Variants in RAB11FIP1 observed in about 807,000 individuals in gnomAD.
The protein encoded by RAB11FIP1 is RAB11 family interacting protein 1.
In RAB11FIP1, 49 loss-of-function variants were observed where a neutral mutation model predicts 83.1. The observed-to-expected ratio is 0.59, with a 90% CI of 0.47 to 0.75. The LOEUF is 0.75. Among genes scored for constraint, RAB11FIP1 ranks in the 30% least tolerant of loss-of-function variants. The pLI is 0.00. For missense variants in RAB11FIP1, 1,536 were observed against 1,598.7 expected, an observed-to-expected ratio of 0.96 and a Z score of 0.67; for synonymous variants, 670 against 656.0, an observed-to-expected ratio of 1.02 and a Z score of -0.33.
chr8:37,861,679 C>T lies in RAB11FIP1; in HGVS notation c.*1216G>A, dbSNP rs1178949443. The stretch of plus-strand genomic sequence containing the variant: ...TCTTGGCTCGCTGCAGCCTCCATCT[C>T]CCAAGTTCAAGCAATTCTCCTGCCC... On this transcript the variant is annotated 3_prime_UTR_variant, in exon 6 of 6. Coordinates refer to ENST00000330843, the MANE Select transcript of RAB11FIP1 (RefSeq NM_001002814.3). The T allele has an allele frequency of 2.5e-6, 1 of 403,012 alleles. No homozygotes were observed. The highest frequency in any genetic ancestry group is 4.8e-6 in the Non-Finnish European group (1 of 209,316). The allele number at this position is 403,012 out of a possible 1,614,324, so 25.0% of individuals were successfully genotyped here.
At chr8:37,871,105 C>T (rs1359631479) in intron 4 of RAB11FIP1, 173 bp downstream of exon 4, 21 of 720,684 alleles carry the variant, frequency 2.9e-5, no homozygotes, top group South Asian at 1.2e-4. Context: ...TTGCTATAAA[C>T]GCAGCAGTGT....
Position 37,860,693 on chromosome 8 carries a change from T to A in RAB11FIP1, c.*2202A>T, listed in dbSNP as rs1350504786. 1 of 152,660 alleles carries A rather than the reference T, an allele frequency of 6.6e-6. No homozygotes were observed. The highest frequency in any genetic ancestry group is 1.5e-5 in the Non-Finnish European group (1 of 68,052). The allele number at this position is 152,660 out of a possible 1,614,324, so 9.5% of individuals were successfully genotyped here. A position where few individuals can be genotyped will look rare whatever the true frequency, so the allele number is the denominator to read the frequency against. On this transcript the variant is annotated 3_prime_UTR_variant, in exon 6 of 6. Transcript: ENST00000330843. ...TCAAGTGAACATACAGTTTTCTTTA[T>A]AAGTATGTAAATAAATTTCATAGCA...
intron 1 of RAB11FIP1, 54 bp from the exon 2 acceptor site, chr8:37,877,605 G>A (rs1005700380): frequency 6.8e-6 from 8 of 1,175,074 alleles, no homozygotes; most frequent in African/African-American, 3.0e-5. Flanking sequence ...CTGCAACAAT[G>A]TTCACAATCC....
intron 1 of RAB11FIP1, among the ~76,000 whole-genome samples, chr8:37,896,108 G>C (rs968283846): frequency 3.3e-5 from 5 of 151,870 alleles, no homozygotes; most frequent in Admixed American, 1.3e-4. Flanking sequence ...TCAGGAGTTC[G>C]AGACCAGCCT....
At chr8:37,886,215 A>ATCACAAAG (rs1196116192) in intron 1 of RAB11FIP1, among the ~76,000 whole-genome samples, 2 of 152,232 alleles carry the variant, frequency 1.3e-5, no homozygotes, top group Non-Finnish European at 2.9e-5. Flanking sequence ...CTCACCCAAG[A>ATCACAAAG]TCACAAAGCA....
chr8:37,890,639 G>C (rs984068338), intron 1 of RAB11FIP1, among the ~76,000 whole-genome samples: 1 of 152,088 alleles, frequency 6.6e-6, no homozygotes, highest in African/African-American at 2.4e-5. Context: ...AAAGTAACCT[G>C]CTTCTTCAAG....
chr8:37,884,124 G>C (rs1806775867), intron 1 of RAB11FIP1, among the ~76,000 whole-genome samples: 1 of 151,186 alleles, frequency 6.6e-6, no homozygotes, highest in African/African-American at 2.4e-5. Context: ...GAGTACAGTG[G>C]CATGATCTCA....
chr8:37,879,943 T>C (rs1021082968), intron 1 of RAB11FIP1, among the ~76,000 whole-genome samples: 3 of 152,088 alleles, frequency 2.0e-5, no homozygotes, highest in African/African-American at 7.2e-5. Context: ...ATAAAAAAAA[T>C]GGTTAGTTGG....
In RAB11FIP1 at chr8:37,874,704, C is replaced by G. The variant is rs199964996; in HGVS notation, c.1433G>C (p.Gly478Ala). 1 of 1,614,086 alleles carries G rather than the reference C, an allele frequency of 6.2e-7. No individual in the cohort carries two copies. Among genetic ancestry groups the G allele is most frequent in the Non-Finnish European group, 8.5e-7 (1 of 1,180,008 alleles). ...MGVKPGEDAS[G>A]PAEDLVRRSE... Reference sequence around the variant, plus strand: ...TCTTCTCACAAGGTCTTCAGCAGGCCCCGATGCGTCCTCCCCCGGCTTAAC... The same window carrying G: ...TCTTCTCACAAGGTCTTCAGCAGGCGCCGATGCGTCCTCCCCCGGCTTAAC... Residue 478 changes from glycine (G) to alanine (A), a missense_variant, in exon 3 of 6, where the codon GGG becomes GCG. Gly to Ala is a moderately conservative substitution (Grantham distance 60). Coordinates refer to ENST00000330843, the MANE Select transcript of RAB11FIP1 (RefSeq NM_001002814.3).
In RAB11FIP1 at chr8:37,873,142, G is replaced by A; in HGVS notation, c.1660C>T (p.Leu554Phe). ...VSPEAQPTAR[L>F]PSPTDSPSSL... is the part of the protein sequence containing the mutation. Reference sequence around the variant, plus strand: ...GAAGGGGAGTCAGTAGGGGAAGGAAGCCTGGCTGTGGGTTGCGCCTCTGGA... The same window carrying A: ...GAAGGGGAGTCAGTAGGGGAAGGAAACCTGGCTGTGGGTTGCGCCTCTGGA... The change falls in exon 4 of 6, where the codon CTT (leucine) becomes TTT (phenylalanine). Residue 554 changes from leucine (L) to phenylalanine (F), a missense_variant. By Grantham distance (22) the Leu-to-Phe change is conservative. Coordinates refer to ENST00000330843, the MANE Select transcript of RAB11FIP1 (RefSeq NM_001002814.3). The A allele has an allele frequency of 1.2e-6, 2 of 1,607,992 alleles. No individual in the cohort carries two copies. Among genetic ancestry groups the A allele is most frequent in the Non-Finnish European group, 1.7e-6 (2 of 1,178,688 alleles).
intron 2 of RAB11FIP1, 84 bp from the exon 3 acceptor site, chr8:37,875,406 C>G: frequency 9.6e-7 from 1 of 1,036,606 alleles, no homozygotes; most frequent in Non-Finnish European, 1.4e-6. Flanking sequence ...CGTCTGGATA[C>G]ATTTCTGGTT....
In RAB11FIP1 at chr8:37,898,940, C is replaced by A. The variant is rs1020804932; in HGVS notation, c.371+131G>T. 2.8e-5 allele frequency: 27 copies of A among 974,160 alleles called. No homozygotes were observed. The African/African-American group carries it at 4.0e-4, about 14-fold the overall frequency. The allele number at this position is 974,160 out of a possible 1,614,324, so 60.3% of individuals were successfully genotyped here. On this transcript the variant is annotated intron_variant, in intron 1 of 5. Transcript: ENST00000330843. The stretch of plus-strand genomic sequence containing the variant: ...AGCCAGGTGAGAACACCAGCACCGG[C>A]CGAGGGCTCCGTCCCGAAAGGCCTT...
At chr8:37,864,136 C>A (rs1806297324) in intron 5 of RAB11FIP1, among the ~76,000 whole-genome samples, 1 of 152,238 alleles carries the variant, frequency 6.6e-6, no homozygotes, top group Non-Finnish European at 1.5e-5. Flanking sequence ...CCGTCCTCAC[C>A]CGTGGCCGTC....
Position 37,872,822 on chromosome 8 carries a change from G to A in RAB11FIP1, c.1980C>T (p.Ser660=), listed in dbSNP as rs2130144293. The A allele has an allele frequency of 6.2e-7, 1 of 1,614,212 alleles. No homozygotes were observed. Among genetic ancestry groups the A allele is most frequent in the East Asian group, 2.2e-5 (1 of 44,884 alleles). ...CTTCTGTCCCTTTATTTGCTGGAAAGGATGGCTGTTTGAAAAGTGATCCCA... is the reference window on the plus strand; with the variant it reads ...CTTCTGTCCCTTTATTTGCTGGAAAAGATGGCTGTTTGAAAAGTGATCCCA... ...SALGSLFKQP[S]FPANKGTEDS... Residue 660 remains serine (S), a synonymous_variant, in exon 4 of 6, where the codon TCC becomes TCT. Transcript: ENST00000330843.
intron 1 of RAB11FIP1, among the ~76,000 whole-genome samples, chr8:37,890,608 T>A (rs1303779639): frequency 1.3e-5 from 2 of 151,968 alleles, no homozygotes; most frequent in African/African-American, 4.8e-5. Flanking sequence ...GCCACAGGCA[T>A]CATTAGCCAG....
chr8:37,886,929 A>C (rs1585444314), intron 1 of RAB11FIP1, among the ~76,000 whole-genome samples: 1 of 152,326 alleles, frequency 6.6e-6, no homozygotes, highest in East Asian at 1.9e-4. Flanking sequence ...CACAGCAGAC[A>C]GACAGAAATG....
chr8:37,871,586 A>T lies in RAB11FIP1; in HGVS notation c.3216T>A (p.Gly1072=), dbSNP rs751881108. The part of the protein sequence containing the change: ...LDKQLPGPSG[G]EEEKPMGNGS... ...CATTTCCCATCGGTTTTTCTTCCTC[A>T]CCACCACTGGGGCCTGGCAGCTGTT... The change falls in exon 4 of 6, where the codon GGT becomes GGA. Residue 1072 remains glycine, a synonymous_variant. Transcript: ENST00000330843. 6.3e-7 allele frequency: 1 copy of T among 1,599,852 alleles called. No homozygotes were observed. Among genetic ancestry groups the T allele is most frequent in the Non-Finnish European group, 8.5e-7 (1 of 1,171,068 alleles).
chr8:37,871,673 T>G lies in RAB11FIP1; in HGVS notation c.3129A>C (p.Ser1043=). ...QAPQASVTAP[S]EQTTEFGIHK... ...GAATTCCGAACTCTGTGGTCTGCTC[T>G]GAAGGAGCTGTCACAGATGCCTGGG... The change falls in exon 4 of 6, where the codon TCA becomes TCC. Residue 1043 remains serine, a synonymous_variant. Transcript: ENST00000330843. 1 of 1,613,980 alleles carries G rather than the reference T, an allele frequency of 6.2e-7. No homozygotes were observed. The highest frequency in any genetic ancestry group is 8.5e-7 in the Non-Finnish European group (1 of 1,179,956).
intron 5 of RAB11FIP1, among the ~76,000 whole-genome samples, chr8:37,864,098 C>A (rs538525803): frequency 1.3e-5 from 2 of 152,234 alleles, no homozygotes; most frequent in African/African-American, 4.8e-5. Context: ...GAGAAATATG[C>A]GGAGTCAGAG....
Sources: gnomAD v4.1 joint callset for allele counts (sites outside exome capture counted in the v4.1 genomes callset) on GRCh38, gnomAD v4.1.1 for gene constraint, MANE v1.5 for transcripts, NCBI Gene and HGNC (gene_info 2026-07-23, HGNC 2026-07-21) for gene names.